RASGRF2: variants seen among roughly 807,000 people sequenced by gnomAD.
RASGRF2 encodes the protein Ras protein specific guanine nucleotide releasing factor 2, also known as ras-specific guanine nucleotide-releasing factor 2.
In RASGRF2, 76 loss-of-function variants were observed where a neutral mutation model predicts 151.0. That is an observed-to-expected ratio of 0.50 (90% confidence interval 0.42 to 0.61). The LOEUF (loss-of-function observed/expected upper bound fraction) is 0.61, where lower values mean the gene tolerates loss of function less well. RASGRF2 is among the 20% of genes least tolerant of loss of function. RASGRF2 has a pLI of 0.00. For synonymous variants in RASGRF2, 504 were observed against 566.5 expected, an observed-to-expected ratio of 0.89 and a Z score of 1.57; for missense variants, 1,148 against 1,564.6, an observed-to-expected ratio of 0.73 and a Z score of 4.49.
intron 3 of RASGRF2, chr5:81,069,890 C>T (rs766617262): frequency 7.2e-5 from 11 of 152,840 alleles, no homozygotes; most frequent in African/African-American, 1.2e-4. Context: ...TGAAATGCCC[C>T]TCACAGGTCA....
intron 1 of RASGRF2, among the ~76,000 whole-genome samples, chr5:80,968,536 G>A (rs914438464): frequency 3.9e-5 from 6 of 152,070 alleles, no homozygotes; most frequent in African/African-American, 1.2e-4. Context: ...TTAATAATGT[G>A]TGCTATTATA....
chr5:81,162,020 C>T (rs111872364), intron 17 of RASGRF2, among the ~76,000 whole-genome samples: 3,117 of 151,284 alleles, frequency 0.021, 40 homozygotes, highest in Middle Eastern at 0.034. Flanking sequence ...AGGCTTAAAA[C>T]GCGTAGCCTA....
chr5:81,001,011 C>T (rs865925398), intron 1 of RASGRF2, among the ~76,000 whole-genome samples: 4 of 152,168 alleles, frequency 2.6e-5, no homozygotes, highest in Non-Finnish European at 5.9e-5. Context: ...TATATTTCCT[C>T]ATTTACTGTT....
intron 12 of RASGRF2, among the ~76,000 whole-genome samples, chr5:81,101,516 A>G (rs1752696811): frequency 6.6e-6 from 1 of 151,456 alleles, no homozygotes; most frequent in Non-Finnish European, 1.5e-5. Flanking sequence ...AAGCCTGGGG[A>G]TGTCCCTAAA....
Position 80,977,100 on chromosome 5 carries a change from A to G in RASGRF2, c.288+16074A>G, listed in dbSNP as rs77574737. ...AGCATCCTGTGATTGTAGAGCCCCA[A>G]CTGTCGTTTCCTCCCATGAACATGA... is the stretch of plus-strand genomic sequence containing the variant. On this transcript the variant is annotated intron_variant, in intron 1 of 26. Coordinates refer to ENST00000265080, the MANE Select transcript of RASGRF2 (RefSeq NM_006909.3). 4.6e-3 allele frequency among the ~76,000 whole-genome samples: 696 copies of G among 152,306 alleles called. 5 individuals are homozygous for G. The highest frequency in any genetic ancestry group is 7.6e-3 in the Non-Finnish European group (516 of 68,008).
At chr5:81,032,510 G>A (rs1402163727) in intron 1 of RASGRF2, among the ~76,000 whole-genome samples, 2 of 152,104 alleles carry the variant, frequency 1.3e-5, no homozygotes, top group South Asian at 2.1e-4. Flanking sequence ...ATCAATAAAC[G>A]TAATCCAGCA....
At chr5:81,162,309 C>T (rs946138510) in intron 17 of RASGRF2, among the ~76,000 whole-genome samples, 5 of 151,812 alleles carry the variant, frequency 3.3e-5, no homozygotes, top group Non-Finnish European at 7.4e-5. Flanking sequence ...GGGGCTGGTA[C>T]CTCTAAATGT....
chr5:81,113,954 AC>A (rs1753079329), intron 15 of RASGRF2, 34 bp downstream of exon 15: 1 of 1,578,876 alleles, frequency 6.3e-7, no homozygotes, highest in Non-Finnish European at 8.6e-7. Flanking sequence ...ATTACACCCC[AC>A]ATTTGCTGGC....
At chr5:81,159,418 G>A (rs1754332111) in intron 17 of RASGRF2, among the ~76,000 whole-genome samples, 5 of 152,244 alleles carry the variant, frequency 3.3e-5, no homozygotes, top group Admixed American at 3.3e-4. Context: ...GCAGCAGGTA[G>A]TTTGCTGACT....
At chr5:81,054,199 C>T (rs965212182) in intron 2 of RASGRF2, among the ~76,000 whole-genome samples, 1 of 152,186 alleles carries the variant, frequency 6.6e-6, no homozygotes, top group Non-Finnish European at 1.5e-5. Context: ...AAGTCGTTGC[C>T]CGTGCCTGTG....
At chr5:81,150,771 C>T (rs1408334656) in intron 17 of RASGRF2, among the ~76,000 whole-genome samples, 1 of 152,122 alleles carries the variant, frequency 6.6e-6, no homozygotes, top group Non-Finnish European at 1.5e-5. Context: ...GGTGTGGCAT[C>T]CCATGATAAT....
rs1423315897 is a variant in RASGRF2, at chr5:81,227,095, C to T, written c.*1325C>T. Reference sequence around the variant, plus strand: ...AGAGAAAAAATATAGTTCTATTTCCCTGAACCTGTTGCACCTGACATTTTC... The same window carrying T: ...AGAGAAAAAATATAGTTCTATTTCCTTGAACCTGTTGCACCTGACATTTTC... On this transcript the variant is annotated 3_prime_UTR_variant, in exon 27 of 27. Transcript: ENST00000265080. The T allele has an allele frequency of 6.6e-6, 1 of 152,218 alleles. No homozygotes were observed. Among genetic ancestry groups the T allele is most frequent in the African/African-American group, 2.4e-5 (1 of 41,460 alleles). 9.4% of individuals were successfully genotyped at this position (152,218 alleles called of 1,614,324 possible). A position where few individuals can be genotyped will look rare whatever the true frequency, so the allele number is the denominator to read the frequency against.
In RASGRF2 at chr5:81,228,424, T is replaced by C. The variant is rs886180044; in HGVS notation, c.*2654T>C. On this transcript the variant is annotated 3_prime_UTR_variant, in exon 27 of 27. Coordinates refer to ENST00000265080, the MANE Select transcript of RASGRF2 (RefSeq NM_006909.3). The stretch of plus-strand genomic sequence containing the variant: ...AATCCCCAAGAGCAATTTGCAGTGT[T>C]TTTTCTGGTCGTTAAAGTACCCATC... 3.3e-5 allele frequency: 5 copies of C among 152,186 alleles called. No homozygotes were observed. The highest frequency in any genetic ancestry group is 5.9e-5 in the Non-Finnish European group (4 of 68,040). The allele number at this position is 152,186 out of a possible 1,614,324, so 9.4% of individuals were successfully genotyped here.
chr5:81,142,787 G>T (rs1353962036), intron 17 of RASGRF2, among the ~76,000 whole-genome samples: 1 of 152,102 alleles, frequency 6.6e-6, no homozygotes, highest in Non-Finnish European at 1.5e-5. Context: ...GAATTATTAA[G>T]AATTTCAATT....
chr5:81,214,688 C>T (rs927604149), intron 23 of RASGRF2, among the ~76,000 whole-genome samples: 1 of 152,214 alleles, frequency 6.6e-6, no homozygotes, highest in African/African-American at 2.4e-5. Flanking sequence ...TTTGAGGACC[C>T]TCAACCTGGG....
In RASGRF2 at chr5:81,222,508, T is replaced by A. The variant is rs143336444; in HGVS notation, c.3621+2730T>A. On this transcript the variant is annotated intron_variant, in intron 26 of 26. Coordinates refer to ENST00000265080, the MANE Select transcript of RASGRF2 (RefSeq NM_006909.3). ...AGGAAGACTTTCCTAACTTTCCCAA[T>A]CCCCACTCCACTCTTAAGGTTGTAT... is the stretch of plus-strand genomic sequence containing the variant. 1.3e-3 allele frequency among the ~76,000 whole-genome samples: 196 copies of A among 152,266 alleles called. 1 individual carries two copies. Among genetic ancestry groups the A allele is most frequent in the African/African-American group, 4.6e-3 (190 of 41,534 alleles).
chr5:81,078,493 T>C (rs758541269), intron 5 of RASGRF2, among the ~76,000 whole-genome samples: 2 of 152,212 alleles, frequency 1.3e-5, no homozygotes, highest in African/African-American at 2.4e-5. Flanking sequence ...TGAGAACATG[T>C]GATACTTGTC....
chr5:81,000,971 G>A lies in RASGRF2; in HGVS notation c.288+39945G>A, dbSNP rs1749061744. Among the ~76,000 whole-genome samples, 4 of 152,314 alleles carry A rather than the reference G, an allele frequency of 2.6e-5. No homozygotes were observed. The South Asian group carries it at 8.3e-4, about 32-fold the overall frequency. On this transcript the variant is annotated intron_variant, in intron 1 of 26. Coordinates refer to ENST00000265080, the MANE Select transcript of RASGRF2 (RefSeq NM_006909.3). ...ATGAATTGTTGCATTGCCAAGTTAT[G>A]CACCAGTGAATGCAGTCTCAAATGA...
intron 1 of RASGRF2, among the ~76,000 whole-genome samples, chr5:81,028,265 A>G (rs863932): frequency 0.12 from 7,116 of 58,272 alleles, 524 homozygotes; most frequent in South Asian, 0.19. Flanking sequence ...TGCATTTAAA[A>G]TGCAAATCAT....
Sources: allele counts gnomAD v4.1 joint callset (sites outside exome capture counted in the v4.1 genomes callset), GRCh38; gene constraint gnomAD v4.1.1; transcripts MANE v1.5; gene names NCBI Gene and HGNC (gene_info 2026-07-23, HGNC 2026-07-21).